The following OPRD1 variants were observed in gnomAD, a reference collection of about 807,000 sequenced individuals.
OPRD1 encodes delta-type opioid receptor.
A neutral mutation model predicts 17.5 loss-of-function variants in OPRD1; 19 were observed. The observed-to-expected ratio is 1.09, with a 90% CI of 0.76 to 1.60. The LOEUF is 1.60. Ranked by LOEUF, OPRD1 falls within the 40% of genes most tolerant of loss-of-function variation. The pLI is 0.00. For missense variants in OPRD1, 483 were observed against 547.2 expected (o/e 0.88, Z 1.17); for synonymous variants, 256 against 240.9 (o/e 1.06, Z -0.58).
intron 1 of OPRD1, among the ~76,000 whole-genome samples, chr1:28,857,116 C>G (rs553269455): frequency 6.6e-6 from 1 of 152,310 alleles, no homozygotes; most frequent in African/African-American, 2.4e-5. Flanking sequence ...GCTAGAGAAT[C>G]AAGTCACTCT....
At chr1:28,856,699 G>C (rs578034454) in intron 1 of OPRD1, among the ~76,000 whole-genome samples, 6 of 152,340 alleles carry the variant, frequency 3.9e-5, no homozygotes, top group South Asian at 4.1e-4. Context: ...GGTGCAGAAG[G>C]GGCCATGGCT....
chr1:28,865,026 A>C lies in OPRD1; in HGVS notation c.*1743A>C. ...GCTCCCCAGGTCCCCCACCTGCTCC[A>C]GCCCAGCTGTCCCCTTCACGCTGCT... On this transcript the variant is annotated 3_prime_UTR_variant, in exon 3 of 3. Coordinates refer to ENST00000234961, the MANE Select transcript of OPRD1 (RefSeq NM_000911.4). 6.6e-6 allele frequency: 1 copy of C among 150,678 alleles called. No homozygotes were observed. The highest frequency in any genetic ancestry group is 2.5e-5 in the African/African-American group (1 of 40,772). 9.3% of individuals were successfully genotyped at this position (150,678 alleles called of 1,614,324 possible).
chr1:28,815,521 G>A (rs1354252738), intron 1 of OPRD1, among the ~76,000 whole-genome samples: 1 of 152,212 alleles, frequency 6.6e-6, no homozygotes, highest in Non-Finnish European at 1.5e-5. Context: ...TGAATGATAA[G>A]GGCTGGCGCT....
At chr1:28,814,033 G>T (rs1472364390) in intron 1 of OPRD1, among the ~76,000 whole-genome samples, 1 of 152,162 alleles carries the variant, frequency 6.6e-6, no homozygotes, top group Non-Finnish European at 1.5e-5. Context: ...ATCTCTGGGA[G>T]ATCTTTGCTC....
chr1:28,853,834 C>T (rs192398665), intron 1 of OPRD1, among the ~76,000 whole-genome samples: 209 of 151,576 alleles, frequency 1.4e-3, no homozygotes, highest in Admixed American at 3.9e-3. Flanking sequence ...CTCTGCCTCC[C>T]GGGTTCAGGT....
At position 28,862,723 on chromosome 1, in the gene OPRD1, C is replaced by T. The variant is rs746895803; in HGVS notation, c.578-19C>T. 4 of 1,569,988 alleles carry T rather than the reference C, an allele frequency of 2.5e-6. No homozygotes were observed. The Admixed American group carries it at 7.2e-5, about 28-fold the overall frequency. Reference sequence around the variant, plus strand: ...CAGGCCCCTCACCCCGTCTGTCTTTCCTTGTTTCCGCGGCCCAGACGGGGC... The same window carrying T: ...CAGGCCCCTCACCCCGTCTGTCTTTTCTTGTTTCCGCGGCCCAGACGGGGC... On this transcript the variant is annotated intron_variant, in intron 2 of 2. Coordinates refer to ENST00000234961, the MANE Select transcript of OPRD1 (RefSeq NM_000911.4).
chr1:28,827,759 CTT>C (rs1175056403), intron 1 of OPRD1, among the ~76,000 whole-genome samples: 1 of 152,010 alleles, frequency 6.6e-6, no homozygotes, highest in Non-Finnish European at 1.5e-5. Context: ...GAGACACAGT[CTT>C]AGTCTGTTGC....
chr1:28,834,154 C>T (rs1473558522), intron 1 of OPRD1, among the ~76,000 whole-genome samples: 1 of 152,012 alleles, frequency 6.6e-6, no homozygotes, highest in Admixed American at 6.6e-5. Flanking sequence ...TCAGGTGATC[C>T]GCCCACCTCG....
At chr1:28,846,558 C>A (rs1295672953) in intron 1 of OPRD1, among the ~76,000 whole-genome samples, 1 of 152,082 alleles carries the variant, frequency 6.6e-6, no homozygotes, top group Non-Finnish European at 1.5e-5. Context: ...TGGTGGGCGC[C>A]TGTAATCCCA....
intron 1 of OPRD1, among the ~76,000 whole-genome samples, chr1:28,838,598 C>T (rs1272592036): frequency 5.3e-5 from 8 of 152,128 alleles, no homozygotes; most frequent in Non-Finnish European, 1.2e-4. Context: ...GGCCCTGGGA[C>T]TCCAGGGGCA....
chr1:28,850,519 C>T (rs1410032246), intron 1 of OPRD1, among the ~76,000 whole-genome samples: 1 of 151,814 alleles, frequency 6.6e-6, no homozygotes, highest in East Asian at 2.0e-4. Context: ...GATGAGGTTT[C>T]TCCATGTTGG....
intron 1 of OPRD1, among the ~76,000 whole-genome samples, chr1:28,845,267 T>C (rs911797598): frequency 6.6e-6 from 1 of 151,852 alleles, no homozygotes; most frequent in Non-Finnish European, 1.5e-5. Flanking sequence ...GTGGATAACT[T>C]GAGGTCAGGA....
chr1:28,863,055 G>A lies in OPRD1; in HGVS notation c.891G>A (p.Val297=). Reference sequence around the variant, plus strand: ...TCGACCGGCGCGACCCGCTGGTGGTGGCTGCGCTGCACCTGTGCATCGCGC... The same window carrying A: ...TCGACCGGCGCGACCCGCTGGTGGTAGCTGCGCTGCACCTGTGCATCGCGC... The part of the protein sequence containing the change: ...VDIDRRDPLV[V]AALHLCIALG... Residue 297 remains valine, a synonymous_variant, in exon 3 of 3, where the codon GTG becomes GTA. Transcript: ENST00000234961. The A allele has an allele frequency of 1.9e-6, 3 of 1,606,164 alleles. No homozygotes were observed. The highest frequency in any genetic ancestry group is 1.1e-5 in the South Asian group (1 of 90,286).
At position 28,864,650 on chromosome 1, in the gene OPRD1, T is replaced by C. The variant is rs2089157639; in HGVS notation, c.*1367T>C. On this transcript the variant is annotated 3_prime_UTR_variant, in exon 3 of 3. Transcript: ENST00000234961. ...GGTCTTCCAGTGGAAGGTGGATGCT[T>C]TCTGTGAGTCCCCAGGGCCCTAGTT... 2 of 150,938 alleles carry C rather than the reference T, an allele frequency of 1.3e-5. No individual in the cohort carries two copies. The highest frequency in any genetic ancestry group is 4.9e-5 in the African/African-American group (2 of 40,982). 9.3% of individuals were successfully genotyped at this position (150,938 alleles called of 1,614,324 possible). A position where few individuals can be genotyped will look rare whatever the true frequency, so the allele number is the denominator to read the frequency against.
chr1:28,845,637 G>T (rs558796489), intron 1 of OPRD1, among the ~76,000 whole-genome samples: 1 of 152,098 alleles, frequency 6.6e-6, no homozygotes, highest in South Asian at 2.1e-4. Flanking sequence ...ATAAACACAA[G>T]AAATCATTGC....
chr1:28,855,362 G>A (rs1322455822), intron 1 of OPRD1, among the ~76,000 whole-genome samples: 1 of 152,198 alleles, frequency 6.6e-6, no homozygotes, highest in Non-Finnish European at 1.5e-5. Context: ...CCAGTGTGTG[G>A]CAGGGGCACA....
intron 1 of OPRD1, among the ~76,000 whole-genome samples, chr1:28,832,267 CAAAAG>C (rs1460386855): frequency 6.6e-6 from 1 of 152,010 alleles, no homozygotes; most frequent in Non-Finnish European, 1.5e-5. Context: ...TGTTAATAAA[CAAAAG>C]GAAAGAGAAG....
At chr1:28,822,524 A>C (rs1197969574) in intron 1 of OPRD1, among the ~76,000 whole-genome samples, 1 of 152,022 alleles carries the variant, frequency 6.6e-6, no homozygotes, top group Non-Finnish European at 1.5e-5. Context: ...TCTGTTGCAC[A>C]GGTTGGAGTG....
intron 1 of OPRD1, among the ~76,000 whole-genome samples, chr1:28,844,447 T>C (rs1384112257): frequency 6.6e-6 from 1 of 151,972 alleles, no homozygotes; most frequent in Non-Finnish European, 1.5e-5. Context: ...CATGTCACCA[T>C]GCCCAGCTAA....
Sources: gnomAD v4.1 joint callset for allele counts (sites outside exome capture counted in the v4.1 genomes callset) on GRCh38, gnomAD v4.1.1 for gene constraint, MANE v1.5 for transcripts, NCBI Gene and HGNC (gene_info 2026-07-23, HGNC 2026-07-21) for gene names.